Variants in CLIC5 observed in about 807,000 individuals in gnomAD.
CLIC5 encodes the protein chloride intracellular channel protein 5.
Under a neutral mutation model 24.7 loss-of-function variants are expected in CLIC5, and 20 were observed. The ratio of observed to expected loss-of-function variants is 0.81; its 90% confidence interval spans 0.57 to 1.18. The LOEUF (loss-of-function observed/expected upper bound fraction) is 1.18, where lower values mean the gene tolerates loss of function less well. Among genes scored for constraint, CLIC5 ranks in the 50% most tolerant of loss-of-function variants. The probability of loss-of-function intolerance (pLI) is 0.00; values close to 1 mark genes in which losing one functional copy is unlikely to be tolerated. For missense variants in CLIC5, 341 were observed against 326.1 expected, an observed-to-expected ratio of 1.05 and a Z score of -0.35; for synonymous variants, 159 against 135.6, an observed-to-expected ratio of 1.17 and a Z score of -1.20.
intron 1 of CLIC5, among the ~76,000 whole-genome samples, chr6:45,985,925 C>G (rs1008302766): frequency 1.3e-5 from 2 of 152,130 alleles, no homozygotes; most frequent in South Asian, 4.2e-4. Flanking sequence ...GGCAGGGACC[C>G]AGTGGGAGGT....
intron 6 of CLIC5, among the ~76,000 whole-genome samples, chr6:45,889,544 T>A (rs183743437): frequency 6.6e-6 from 1 of 152,278 alleles, no homozygotes; most frequent in Admixed American, 6.5e-5. Context: ...GGGTATATAT[T>A]TGCATTTTCT....
At chr6:46,111,194 T>C in the CLIC5 span, among the ~76,000 whole-genome samples, 3 of 151,942 alleles carry the variant, frequency 2.0e-5, no homozygotes, top group Non-Finnish European at 4.4e-5. Context: ...TTTTTTTTTT[T>C]TGGAAACAGA....
At chr6:46,040,937 C>T (rs1581891679) in intron 1 of CLIC5, among the ~76,000 whole-genome samples, 1 of 152,134 alleles carries the variant, frequency 6.6e-6, no homozygotes, top group East Asian at 1.9e-4. Flanking sequence ...AGAAGTTAAG[C>T]TCTTGGGAAC....
chr6:45,953,436 C>A (rs1236386294), intron 2 of CLIC5, among the ~76,000 whole-genome samples: 1 of 151,988 alleles, frequency 6.6e-6, no homozygotes, highest in Non-Finnish European at 1.5e-5. Flanking sequence ...AGGGGATGGG[C>A]TGAAGCTGAG....
chr6:46,078,561 A>C (rs570871758), intron 1 of CLIC5, among the ~76,000 whole-genome samples: 3 of 152,164 alleles, frequency 2.0e-5, no homozygotes, highest in Non-Finnish European at 2.9e-5. Flanking sequence ...ACTATATTGT[A>C]TTAGAATACA....
In CLIC5 at chr6:45,951,888, AACAC is replaced by A. The variant is rs201006529; in HGVS notation, c.174-2511_174-2508del. 7.3e-3 allele frequency among the ~76,000 whole-genome samples: 1,105 copies of A among 152,318 alleles called. 19 individuals are homozygous for A. Among genetic ancestry groups the A allele is most frequent in the Admixed American group, 0.028 (421 of 15,294 alleles). On this transcript the variant is annotated intron_variant, in intron 2 of 5. Transcript: ENST00000339561. ...TGTGCTACTCCCATGTCCCTCCCCA[AACAC>A]ACACACTCTCCAGCTGCATTCTGAG...
Position 45,912,649 on chromosome 6 carries a change from G to A in CLIC5, c.588+1579C>T, listed in dbSNP as rs149272532. On this transcript the variant is annotated intron_variant, in intron 5 of 5. Transcript: ENST00000339561. ...GCTAGTTGGCAGCAAATACAGGACCGGAACTCGGGTCTCCTGATCTTTGCA... is the reference window on the plus strand; with the variant it reads ...GCTAGTTGGCAGCAAATACAGGACCAGAACTCGGGTCTCCTGATCTTTGCA... The A allele has an allele frequency of 2.2e-4, 331 of 1,528,276 alleles. No individual in the cohort carries two copies. In the African/African-American group the frequency reaches 2.4e-3, roughly 11 times the overall value. The allele number at this position is 1,528,276 out of a possible 1,614,324, so 94.7% of individuals were successfully genotyped here. A position where few individuals can be genotyped will look rare whatever the true frequency, so the allele number is the denominator to read the frequency against.
intron 4 of CLIC5, among the ~76,000 whole-genome samples, chr6:45,939,652 T>G (rs12662995): frequency 1.3e-5 from 2 of 152,086 alleles, no homozygotes; most frequent in Admixed American, 6.5e-5. Flanking sequence ...TTAAAAAAAT[T>G]TTTTTAGAGA....
At position 45,900,550 on chromosome 6, in the gene CLIC5, A is replaced by G. The variant is rs1315623270; in HGVS notation, c.*2538T>C. ...TTGAAACAAAAAAAAAAAGGAAGGT[A>G]ATATTAATATTATTGTTACTTTAAT... On this transcript the variant is annotated 3_prime_UTR_variant, in exon 6 of 6. Transcript: ENST00000339561. 6.6e-6 allele frequency: 1 copy of G among 151,926 alleles called. No homozygotes were observed. The highest frequency in any genetic ancestry group is 6.6e-5 in the Admixed American group (1 of 15,266). 9.4% of individuals were successfully genotyped at this position (151,926 alleles called of 1,614,324 possible).
chr6:46,086,396 C>T, the CLIC5 span, among the ~76,000 whole-genome samples: 10 of 152,116 alleles, frequency 6.6e-5, no homozygotes, highest in African/African-American at 2.2e-4. Flanking sequence ...GGCTGCCCTT[C>T]GTGAATGTCT....
chr6:45,991,500 G>T (rs966678393), intron 1 of CLIC5, among the ~76,000 whole-genome samples: 8 of 152,232 alleles, frequency 5.3e-5, no homozygotes, highest in Non-Finnish European at 7.3e-5. Flanking sequence ...ATACAGAGCA[G>T]AGGACCCAGC....
chr6:45,916,816 G>A (rs1211924835), intron 4 of CLIC5, among the ~76,000 whole-genome samples: 2 of 152,168 alleles, frequency 1.3e-5, no homozygotes, highest in South Asian at 2.1e-4. Context: ...ATTCCATGGA[G>A]CTTTCCAAGT....
intron 5 of CLIC5, among the ~76,000 whole-genome samples, chr6:45,910,917 C>T (rs1432625887): frequency 6.6e-6 from 1 of 152,194 alleles, no homozygotes; most frequent in Non-Finnish European, 1.5e-5. Flanking sequence ...TTTCTGGGAG[C>T]AGCAGCTGAA....
intron 1 of CLIC5, among the ~76,000 whole-genome samples, chr6:45,990,851 G>A (rs1765911299): frequency 6.6e-6 from 1 of 152,136 alleles, no homozygotes. Flanking sequence ...AGACAAACCT[G>A]GATTCAAGAC....
At chr6:45,970,807 C>T (rs1765176233) in intron 1 of CLIC5, among the ~76,000 whole-genome samples, 2 of 152,216 alleles carry the variant, frequency 1.3e-5, no homozygotes, top group South Asian at 4.1e-4. Flanking sequence ...AAGTCACTGT[C>T]TCGATCTGGC....
rs552648229 is a variant in CLIC5 at position 45,946,566 on chromosome 6, G to A, written c.299+2690C>T. Among the ~76,000 whole-genome samples, 3 of 152,222 alleles carry A rather than the reference G, an allele frequency of 2.0e-5. No homozygotes were observed. In the East Asian group the frequency reaches 5.8e-4, roughly 29 times the overall value. ...CCAGCGCTTGGTGAATGGTTATGAG[G>A]GTTTTGCTGCCCCCTAGAGAACCAG... On this transcript the variant is annotated intron_variant, in intron 3 of 5. Coordinates refer to ENST00000339561, the MANE Select transcript of CLIC5 (RefSeq NM_016929.5).
intron 5 of CLIC5, among the ~76,000 whole-genome samples, chr6:45,913,018 T>C (rs1002625079): frequency 6.6e-6 from 1 of 152,190 alleles, no homozygotes; most frequent in African/African-American, 2.4e-5. Context: ...CATTTTTGAC[T>C]CGGGACTTGA....
At chr6:45,942,914 G>A (rs1764180867) in intron 3 of CLIC5, among the ~76,000 whole-genome samples, 1 of 152,162 alleles carries the variant, frequency 6.6e-6, no homozygotes, top group East Asian at 1.9e-4. Flanking sequence ...AAATGTTGAT[G>A]GCTAATAAAT....
the CLIC5 span, among the ~76,000 whole-genome samples, chr6:46,108,031 T>TAAAAAAAA: frequency 4.3e-5 from 1 of 23,230 alleles, no homozygotes; most frequent in Non-Finnish European, 9.6e-5. Flanking sequence ...CAAAACTCCA[T>TAAAAAAAA]CAAAAAAAAA....
Sources: gnomAD v4.1 joint callset for allele counts (sites outside exome capture counted in the v4.1 genomes callset) on GRCh38, gnomAD v4.1.1 for gene constraint, MANE v1.5 for transcripts, NCBI Gene and HGNC (gene_info 2026-07-23, HGNC 2026-07-21) for gene names.